Variants in COMMD6 observed in about 807,000 individuals in gnomAD.
COMMD6 encodes COMM domain containing 6, also known as COMM domain-containing protein 6.
In COMMD6, 11 loss-of-function variants were observed where a neutral mutation model predicts 13.4. The ratio of observed to expected loss-of-function variants is 0.82; its 90% CI spans 0.52 to 1.36. COMMD6 has a LOEUF of 1.36. COMMD6 is among the 40% of genes most tolerant of loss of function. COMMD6 has a pLI of 0.00. For synonymous variants in COMMD6, 43 were observed against 36.5 expected, an observed-to-expected ratio of 1.18 and a Z score of -0.64; for missense variants, 124 against 102.4, an observed-to-expected ratio of 1.21 and a Z score of -0.91.
upstream of COMMD6, among the ~76,000 whole-genome samples, chr13:75,541,487 A>C (rs1388392154): frequency 2.6e-5 from 4 of 151,974 alleles, no homozygotes; most frequent in Non-Finnish European, 5.9e-5. Flanking sequence ...ATGACTCATG[A>C]TCCAAGGAGA....
intron 3 of COMMD6, chr13:75,527,909 G>A (rs1163227601): frequency 3.5e-6 from 5 of 1,444,134 alleles, no homozygotes; most frequent in Non-Finnish European, 4.6e-6. Context: ...TACAAAATGA[G>A]TAAGTCTGAG....
In COMMD6 at chr13:75,525,299, T is replaced by TA. The variant is rs2030202199; in HGVS notation, c.*1289dup. The TA allele has an allele frequency of 6.6e-6, 1 of 152,232 alleles. No individual in the cohort carries two copies. The highest frequency in any genetic ancestry group is 1.5e-5 in the Non-Finnish European group (1 of 68,046). 9.4% of individuals were successfully genotyped at this position (152,232 alleles called of 1,614,324 possible). Reference sequence around the variant, plus strand: ...CTTTGGGTCTTTTTGCATATTGCCTTAAACCTAGAAATGCTACCCTGCAAA... The same window carrying TA: ...CTTTGGGTCTTTTTGCATATTGCCTTAAAACCTAGAAATGCTACCCTGCAAA... On this transcript the variant is annotated 3_prime_UTR_variant, in exon 4 of 4. Coordinates refer to ENST00000682242, the MANE Select transcript of COMMD6 (RefSeq NM_203495.4).
At chr13:75,543,772 A>G (rs1227358570), upstream of COMMD6, among the ~76,000 whole-genome samples, 1 of 152,216 alleles carries the variant, frequency 6.6e-6, no homozygotes, top group East Asian at 1.9e-4. Flanking sequence ...GGTTCTGAAC[A>G]TAGTAAGTGC....
upstream of COMMD6, chr13:75,537,901 G>A: frequency 2.3e-6 from 3 of 1,319,388 alleles, no homozygotes; most frequent in East Asian, 7.0e-5. Context: ...TGGCGCATGG[G>A]GCGGACGTAG....
upstream of COMMD6, chr13:75,537,856 A>G: frequency 3.3e-6 from 5 of 1,534,978 alleles, no homozygotes; most frequent in Non-Finnish European, 4.4e-6. Context: ...CCCCCAGACC[A>G]GCGCTTCCGC....
Position 75,537,823 on chromosome 13 carries a change from T to C in COMMD6, c.-18A>G, listed in dbSNP as rs563289580. The C allele has an allele frequency of 1.9e-6, 3 of 1,588,818 alleles. No homozygotes were observed. The highest frequency in any genetic ancestry group is 1.7e-5 in the Admixed American group (1 of 57,628). Reference sequence around the variant, plus strand: ...GCCTCCATGGGCAGCGTCTGGGACTTGCGGCCCGGACTCGAGAGAACGCCC... The same window carrying C: ...GCCTCCATGGGCAGCGTCTGGGACTCGCGGCCCGGACTCGAGAGAACGCCC... On this transcript the variant is annotated 5_prime_UTR_variant, in exon 1 of 4. Transcript: ENST00000682242.
At position 75,537,664 on chromosome 13, in the gene COMMD6, C is replaced by A; in HGVS notation, c.54G>T (p.Gln18His). The A allele has an allele frequency of 6.2e-7, 1 of 1,613,534 alleles. No individual in the cohort carries two copies. Among genetic ancestry groups the A allele is most frequent in the Non-Finnish European group, 8.5e-7 (1 of 1,179,504 alleles). ...PLDAKSDVTN[Q>H]LVDFQWKLGM... ...CAGGGCGGGGCGGCCGCTCACCCAC[C>A]TGGTTGGTGACCTGAAACGGAAGCA... Residue 18 changes from glutamine to histidine, a missense_variant and splice_region_variant, in exon 2 of 4, where the codon CAG (glutamine) becomes CAT (histidine). Coordinates refer to ENST00000682242, the MANE Select transcript of COMMD6 (RefSeq NM_203495.4).
At chr13:75,535,072 T>C (rs1258580091) in intron 2 of COMMD6, among the ~76,000 whole-genome samples, 1 of 152,212 alleles carries the variant, frequency 6.6e-6, no homozygotes, top group African/African-American at 2.4e-5. Flanking sequence ...GCTATTTAGA[T>C]ATAACCTGGG....
intron 1 of COMMD6, among the ~76,000 whole-genome samples, chr13:75,544,939 A>AAAAAAAAC (rs1453539568): frequency 4.4e-4 from 66 of 151,254 alleles, no homozygotes; most frequent in African/African-American, 1.5e-3. Context: ...AAAAAAAAAA[A>AAAAAAAAC]AAACAAAAAA....
At chr13:75,538,555 C>T (rs1220979951), upstream of COMMD6, among the ~76,000 whole-genome samples, 1 of 152,144 alleles carries the variant, frequency 6.6e-6, no homozygotes, top group African/African-American at 2.4e-5. Flanking sequence ...TTTATCTCGG[C>T]TTGTATTAAG....
chr13:75,532,667 C>T (rs1030966772), intron 2 of COMMD6, among the ~76,000 whole-genome samples: 7 of 151,808 alleles, frequency 4.6e-5, no homozygotes, highest in African/African-American at 1.7e-4. Context: ...CCATCTCTAC[C>T]AAAAATACAA....
chr13:75,540,340 A>ACCCC (rs66889294), upstream of COMMD6, among the ~76,000 whole-genome samples: 3 of 105,084 alleles, frequency 2.9e-5, no homozygotes, highest in African/African-American at 4.0e-5. Flanking sequence ...ACACACACAC[A>ACCCC]CACCCACACA....
intron 2 of COMMD6, 62 bp downstream of exon 2, chr13:75,537,602 A>T: frequency 1.2e-6 from 2 of 1,612,326 alleles, no homozygotes; most frequent in Non-Finnish European, 1.7e-6. Context: ...TCAGGGTGGC[A>T]CGGCCTCGCG....
At chr13:75,546,038 C>G (rs1176023499) in intron 1 of COMMD6, among the ~76,000 whole-genome samples, 1 of 151,988 alleles carries the variant, frequency 6.6e-6, no homozygotes, top group African/African-American at 2.4e-5. Flanking sequence ...GGATGGATAC[C>G]CCATTCTCCA....
Position 75,537,784 on chromosome 13 carries a change from G to C in COMMD6, c.22C>G (p.Pro8Ala). ...CTCACATCGGACTTAGCATCCAGCG[G>C]CGGCTCGCTGGACGCCTCCATGGGC... MEASSEP[P>A]LDAKSDVTNQ... The change falls in exon 1 of 4, where the codon CCG (proline) becomes GCG (alanine). Residue 8 changes from proline to alanine, a missense_variant. Pro to Ala is a conservative substitution (Grantham distance 27). Transcript: ENST00000682242. The C allele has an allele frequency of 1.2e-6, 2 of 1,611,250 alleles. No individual in the cohort carries two copies. Among genetic ancestry groups the C allele is most frequent in the Non-Finnish European group, 1.7e-6 (2 of 1,177,988 alleles).
chr13:75,543,600 T>C (rs114595025), upstream of COMMD6, among the ~76,000 whole-genome samples: 637 of 152,346 alleles, frequency 4.2e-3, 3 homozygotes, highest in African/African-American at 0.015. Context: ...CACCTAGGCC[T>C]GAATCTAAAG....
chr13:75,528,053 C>CA (rs768140842), intron 3 of COMMD6, among the ~76,000 whole-genome samples: 246 of 138,628 alleles, frequency 1.8e-3, no homozygotes, highest in East Asian at 5.6e-3. Flanking sequence ...ACACTCTCTC[C>CA]AAAAAAAAAA....
At chr13:75,538,241 G>C (rs1279621329), upstream of COMMD6, among the ~76,000 whole-genome samples, 1 of 152,254 alleles carries the variant, frequency 6.6e-6, no homozygotes, top group Non-Finnish European at 1.5e-5. Context: ...GGGAACCACA[G>C]TTATAGGATG....
chr13:75,525,947 C>T lies in COMMD6; in HGVS notation c.*642G>A, dbSNP rs1364726117. ...GCAATAACTTGTGCTAACGGGTTAACTCCGTCGTACAGAACTCAGACTAAA... is the reference window on the plus strand; with the variant it reads ...GCAATAACTTGTGCTAACGGGTTAATTCCGTCGTACAGAACTCAGACTAAA... On this transcript the variant is annotated 3_prime_UTR_variant, in exon 4 of 4. Coordinates refer to ENST00000682242, the MANE Select transcript of COMMD6 (RefSeq NM_203495.4). The T allele has an allele frequency of 6.6e-6, 1 of 152,222 alleles. No homozygotes were observed. The highest frequency in any genetic ancestry group is 1.5e-5 in the Non-Finnish European group (1 of 68,040). The allele number at this position is 152,222 out of a possible 1,614,324, so 9.4% of individuals were successfully genotyped here.
Sources: gnomAD v4.1 joint callset for allele counts (sites outside exome capture counted in the v4.1 genomes callset) on GRCh38, gnomAD v4.1.1 for gene constraint, MANE v1.5 for transcripts, NCBI Gene and HGNC (gene_info 2026-07-23, HGNC 2026-07-21) for gene names.